GRIK2: variants seen among roughly 807,000 people sequenced by gnomAD.
GRIK2 encodes the protein glutamate receptor ionotropic, kainate 2.
In GRIK2, 32 loss-of-function variants were observed where a neutral mutation model predicts 100.3. That is an observed-to-expected ratio of 0.32 (90% CI 0.24 to 0.43). GRIK2 has a LOEUF of 0.43. Ranked by LOEUF, GRIK2 falls within the 20% of genes least tolerant of loss-of-function variation. The pLI, the probability that GRIK2 is intolerant of heterozygous loss-of-function variation, is 1.00. For missense variants in GRIK2, 843 were observed against 1,114.9 expected (o/e 0.76, Z 3.47); for synonymous variants, 417 against 389.4 (o/e 1.07, Z -0.83).
intron 12 of GRIK2, among the ~76,000 whole-genome samples, chr6:101,919,201 A>G (rs1036857281): frequency 1.3e-5 from 2 of 151,848 alleles, no homozygotes; most frequent in African/African-American, 4.8e-5. Context: ...TTCATGATGC[A>G]TAACTTAATA....
At chr6:101,695,035 T>G (rs1270896511) in intron 7 of GRIK2, among the ~76,000 whole-genome samples, 2 of 151,156 alleles carry the variant, frequency 1.3e-5, no homozygotes, top group Non-Finnish European at 3.0e-5. Flanking sequence ...TATATCTAAA[T>G]TCATATTATC....
rs1554209024 is a variant in GRIK2 at position 101,494,971 on chromosome 6, T to TTTTATATATATATATATA, written c.115+95580_115+95581insTTATATATATATATATAT. Among the ~76,000 whole-genome samples the TTTTATATATATATATATA allele has an allele frequency of 1.4e-4, 15 of 107,960 alleles. 1 individual carries two copies. The highest frequency in any genetic ancestry group is 5.3e-4 in the East Asian group (2 of 3,754). The allele number at this position is 107,960 out of a possible 152,430, so 70.8% of individuals were successfully genotyped here. A position where few individuals can be genotyped will look rare whatever the true frequency, so the allele number is the denominator to read the frequency against. On this transcript the variant is annotated intron_variant, in intron 2 of 16. Transcript: ENST00000369134. ...TAAAAAGTAATACCTATATATGCAT[T>TTTTATATATATATATATA]TATATATATATATATATATATATAT... is the stretch of plus-strand genomic sequence containing the variant.
chr6:101,884,283 ACTTT>A (rs1786466104), intron 11 of GRIK2, among the ~76,000 whole-genome samples: 1 of 152,166 alleles, frequency 6.6e-6, no homozygotes, highest in Non-Finnish European at 1.5e-5. Flanking sequence ...TGAACTTACT[ACTTT>A]AATTATTTTA....
intron 7 of GRIK2, among the ~76,000 whole-genome samples, chr6:101,695,792 A>G (rs1772443050): frequency 6.6e-6 from 1 of 152,102 alleles, no homozygotes; most frequent in African/African-American, 2.4e-5. Context: ...ACATGTTCAG[A>G]ATACTTACAT....
At chr6:101,699,930 TG>T in intron 7 of GRIK2, among the ~76,000 whole-genome samples, 1 of 152,186 alleles carries the variant, frequency 6.6e-6, no homozygotes, top group East Asian at 1.9e-4. Context: ...GAGGACTGCT[TG>T]ATCTCAGGAG....
chr6:101,420,489 C>T (rs1287972053), intron 2 of GRIK2, among the ~76,000 whole-genome samples: 1 of 152,078 alleles, frequency 6.6e-6, no homozygotes, highest in Non-Finnish European at 1.5e-5. Flanking sequence ...TAAAATGTGG[C>T]CTCTGGACCA....
intron 14 of GRIK2, among the ~76,000 whole-genome samples, chr6:101,956,433 T>C (rs1334761987): frequency 6.6e-6 from 1 of 152,150 alleles, no homozygotes; most frequent in Non-Finnish European, 1.5e-5. Flanking sequence ...TTTTGTTTCA[T>C]GGATATATTG....
At chr6:101,945,440 A>G (rs370803961) in intron 14 of GRIK2, among the ~76,000 whole-genome samples, 4 of 152,276 alleles carry the variant, frequency 2.6e-5, no homozygotes, top group Non-Finnish European at 5.9e-5. Flanking sequence ...AATGCCATCA[A>G]TGCTGTTGCT....
intron 4 of GRIK2, among the ~76,000 whole-genome samples, chr6:101,626,967 TACAC>T (rs1053128345): frequency 6.6e-6 from 1 of 151,404 alleles, no homozygotes; most frequent in South Asian, 2.1e-4. Context: ...CACATACACA[TACAC>T]ACACACATAT....
At chr6:101,423,018 G>A (rs2128240750) in intron 2 of GRIK2, among the ~76,000 whole-genome samples, 1 of 152,260 alleles carries the variant, frequency 6.6e-6, no homozygotes, top group Middle Eastern at 3.4e-3. Context: ...CAGATGGGCT[G>A]TGCACTTTAG....
intron 14 of GRIK2, among the ~76,000 whole-genome samples, chr6:101,973,674 TA>T (rs1793195114): frequency 6.6e-6 from 1 of 151,952 alleles, no homozygotes; most frequent in Admixed American, 6.6e-5. Context: ...AATGTGATAA[TA>T]TTGTCAAGTA....
rs200202817 is a variant in GRIK2 at position 101,917,903 on chromosome 6, G to GA, written c.1749-6688dup. Among the ~76,000 whole-genome samples, 1,018 of 146,760 alleles carry GA rather than the reference G, an allele frequency of 6.9e-3. 9 individuals are homozygous for GA. The highest frequency in any genetic ancestry group is 0.02 in the African/African-American group (820 of 40,370). The stretch of plus-strand genomic sequence containing the variant: ...AGTAAATATGAAAATAGTATGTAAT[G>GA]AAAAAAAAAACTTTGTATTCCTCGT... On this transcript the variant is annotated intron_variant, in intron 12 of 16. Transcript: ENST00000369134.
At chr6:101,585,376 A>G (rs1047447751) in intron 2 of GRIK2, among the ~76,000 whole-genome samples, 2 of 152,132 alleles carry the variant, frequency 1.3e-5, no homozygotes, top group African/African-American at 4.8e-5. Context: ...GTCCACTATG[A>G]TAAAACATAT....
chr6:102,019,687 T>C (rs1464260772), intron 14 of GRIK2, among the ~76,000 whole-genome samples: 5 of 151,966 alleles, frequency 3.3e-5, no homozygotes, highest in Admixed American at 6.6e-5. Flanking sequence ...AGCTTTACTT[T>C]TACACACATA....
intron 7 of GRIK2, among the ~76,000 whole-genome samples, chr6:101,733,883 A>G (rs1775458175): frequency 1.3e-5 from 2 of 151,958 alleles, no homozygotes; most frequent in Admixed American, 1.3e-4. Context: ...TCCCTTGCTA[A>G]TTTGTAACAA....
intron 2 of GRIK2, among the ~76,000 whole-genome samples, chr6:101,549,730 A>G (rs1268346918): frequency 6.6e-6 from 1 of 152,158 alleles, no homozygotes; most frequent in Non-Finnish European, 1.5e-5. Context: ...AAAACATCAT[A>G]TGCAGTACCA....
At chr6:101,446,116 T>C (rs2128247539) in intron 2 of GRIK2, among the ~76,000 whole-genome samples, 1 of 152,100 alleles carries the variant, frequency 6.6e-6, no homozygotes, top group African/African-American at 2.4e-5. Flanking sequence ...CTGTTGGCCT[T>C]GGTAACCAGA....
intron 4 of GRIK2, among the ~76,000 whole-genome samples, chr6:101,645,618 A>G (rs1020304815): frequency 1.3e-5 from 2 of 151,950 alleles, no homozygotes; most frequent in Admixed American, 6.6e-5. Context: ...ATAATTCTCC[A>G]TCTCCCTTAA....
chr6:101,547,993 CTT>C lies in GRIK2; in HGVS notation c.116-73953_116-73952del, dbSNP rs528197841. 6.1e-3 allele frequency among the ~76,000 whole-genome samples: 934 copies of C among 152,060 alleles called. 4 individuals are homozygous for C. The highest frequency in any genetic ancestry group is 0.019 in the African/African-American group (798 of 41,516). On this transcript the variant is annotated intron_variant, in intron 2 of 16. Coordinates refer to ENST00000369134, the MANE Select transcript of GRIK2 (RefSeq NM_021956.5). Reference sequence around the variant, plus strand: ...CTCTCCAGCACCTGTTTTTTCCTGACTTTTGAATGATTGCCATTCTAACTGGT... The same window carrying C: ...CTCTCCAGCACCTGTTTTTTCCTGACTTGAATGATTGCCATTCTAACTGGT...
Sources: gnomAD v4.1 joint callset for allele counts (sites outside exome capture counted in the v4.1 genomes callset) on GRCh38, gnomAD v4.1.1 for gene constraint, MANE v1.5 for transcripts, NCBI Gene and HGNC (gene_info 2026-07-23, HGNC 2026-07-21) for gene names.